The following RUNX2 variants were observed in gnomAD, a reference collection of about 807,000 sequenced individuals.
RUNX2 encodes the protein RUNX family transcription factor 2.
In RUNX2, 10 loss-of-function variants were observed where a neutral mutation model predicts 51.7. That is an observed-to-expected ratio of 0.19 (90% CI 0.12 to 0.33). RUNX2 has a LOEUF of 0.33. Among genes scored for constraint, RUNX2 ranks in the 10% least tolerant of loss-of-function variants. The pLI is 1.00. For missense variants in RUNX2, 562 were observed against 691.3 expected (o/e 0.81, Z 2.10); for synonymous variants, 276 against 273.6 (o/e 1.01, Z -0.09).
chr6:45,399,763 G>A (rs1391287664), intron 2 of RUNX2, among the ~76,000 whole-genome samples: 1 of 147,454 alleles, frequency 6.8e-6, no homozygotes, highest in Non-Finnish European at 1.5e-5. Context: ...GAGAGGAAAG[G>A]AAGGAAGGAG....
intron 2 of RUNX2, among the ~76,000 whole-genome samples, chr6:45,345,064 G>A (rs1453658413): frequency 6.6e-6 from 1 of 152,148 alleles, no homozygotes; most frequent in Non-Finnish European, 1.5e-5. Flanking sequence ...CTCATGGGAT[G>A]AAACAGAGGA....
At chr6:45,509,257 T>C (rs1801071209) in intron 6 of RUNX2, among the ~76,000 whole-genome samples, 1 of 152,256 alleles carries the variant, frequency 6.6e-6, no homozygotes, top group Admixed American at 6.5e-5. Context: ...TTTATAGTTA[T>C]CAAAATGCTT....
rs1480082466 is a variant in RUNX2, at chr6:45,431,977, G to A, written c.538G>A (p.Ala180Thr). 2 of 1,614,126 alleles carry A rather than the reference G, an allele frequency of 1.2e-6. No individual in the cohort carries two copies. Among genetic ancestry groups the A allele is most frequent in the Non-Finnish European group, 1.7e-6 (2 of 1,180,008 alleles). Residue 180 changes from alanine (A) to threonine (T), a missense_variant, in exon 4 of 9, where the codon GCA (alanine) becomes ACA (threonine). Ala to Thr is a moderately conservative substitution (Grantham distance 58). Coordinates refer to ENST00000647337, the MANE Select transcript of RUNX2 (RefSeq NM_001024630.4). The stretch of plus-strand genomic sequence containing the variant: ...CTCTGCTGTTATGAAAAACCAAGTA[G>A]CAAGGTTCAACGATCTGAGATTTGT... Reference protein sequence around the residue: ...NASAVMKNQVARFNDLRFVGR... With the variant: ...NASAVMKNQVTRFNDLRFVGR...
intron 7 of RUNX2, among the ~76,000 whole-genome samples, chr6:45,514,047 C>CCCAA (rs1801245930): frequency 2.0e-5 from 3 of 152,110 alleles, no homozygotes; most frequent in African/African-American, 7.2e-5. Flanking sequence ...TGTTTGGGGT[C>CCCAA]CCCTGGGGCT....
At chr6:45,389,411 T>G (rs2150346198) in intron 2 of RUNX2, among the ~76,000 whole-genome samples, 1 of 152,332 alleles carries the variant, frequency 6.6e-6, no homozygotes, top group South Asian at 2.1e-4. Flanking sequence ...AAGACTCATT[T>G]TTCAGCTAAA....
At chr6:45,542,738 T>C (rs937888203) in intron 7 of RUNX2, among the ~76,000 whole-genome samples, 1 of 152,230 alleles carries the variant, frequency 6.6e-6, no homozygotes, top group African/African-American at 2.4e-5. Flanking sequence ...ACTTCTAAGA[T>C]AGCAGGTGTG....
At chr6:45,453,907 C>T (rs1012664534) in intron 5 of RUNX2, among the ~76,000 whole-genome samples, 2 of 152,196 alleles carry the variant, frequency 1.3e-5, no homozygotes, top group African/African-American at 2.4e-5. Context: ...TGGTCCAAAA[C>T]GCAGGATGAA....
chr6:45,481,845 T>A (rs1800125688), intron 5 of RUNX2, among the ~76,000 whole-genome samples: 1 of 152,232 alleles, frequency 6.6e-6, no homozygotes. Flanking sequence ...GTCTCAGTAT[T>A]TTTCTGGGCA....
At position 45,404,111 on chromosome 6, in the gene RUNX2, T is replaced by C. The variant is rs148525760; in HGVS notation, c.59-18482T>C. Among the ~76,000 whole-genome samples the C allele has an allele frequency of 4.5e-3, 680 of 151,382 alleles. 5 individuals carry two copies. The highest frequency in any genetic ancestry group is 0.016 in the African/African-American group (641 of 41,278). ...CGTACCTCTACTAAAAATACAAAAA[T>C]TAGCCGGGTGCGGTGGCGTGTGCCT... On this transcript the variant is annotated intron_variant, in intron 2 of 8. Coordinates refer to ENST00000647337, the MANE Select transcript of RUNX2 (RefSeq NM_001024630.4).
intron 2 of RUNX2, among the ~76,000 whole-genome samples, chr6:45,414,611 T>C (rs1798023552): frequency 6.6e-6 from 1 of 152,146 alleles, no homozygotes; most frequent in Non-Finnish European, 1.5e-5. Flanking sequence ...TATTTTATCA[T>C]AGAGTCACAG....
chr6:45,413,496 TC>T (rs2150357726), intron 2 of RUNX2, among the ~76,000 whole-genome samples: 1 of 148,256 alleles, frequency 6.7e-6, no homozygotes, highest in Admixed American at 6.9e-5. Flanking sequence ...AGTGGAGTGA[TC>T]TTGGCTCACT....
rs1450587414 is a variant in RUNX2 at position 45,512,412 on chromosome 6, A to G, written c.1021+5A>G. ...ATGTGCCTAGGCGCATTTCAGGTAA[A>G]GACCGTGCTTTAACTAAAAATCCAT... On this transcript the variant is annotated splice_donor_5th_base_variant and intron_variant, in intron 7 of 8. Transcript: ENST00000647337. The G allele has an allele frequency of 6.2e-7, 1 of 1,613,678 alleles. No individual in the cohort carries two copies. Among genetic ancestry groups the G allele is most frequent in the Non-Finnish European group, 8.5e-7 (1 of 1,179,896 alleles).
At chr6:45,390,590 A>G (rs1797450077) in intron 2 of RUNX2, among the ~76,000 whole-genome samples, 1 of 152,236 alleles carries the variant, frequency 6.6e-6, no homozygotes, top group East Asian at 1.9e-4. Context: ...GTGAGGGTAT[A>G]AATGTGAACA....
At chr6:45,538,937 A>G (rs1169292177) in intron 7 of RUNX2, among the ~76,000 whole-genome samples, 2 of 151,978 alleles carry the variant, frequency 1.3e-5, no homozygotes, top group Non-Finnish European at 2.9e-5. Context: ...CCTGCAGTGG[A>G]TCTGGTTTCA....
At chr6:45,405,510 T>G (rs1797814465) in intron 2 of RUNX2, among the ~76,000 whole-genome samples, 1 of 152,166 alleles carries the variant, frequency 6.6e-6, no homozygotes, top group South Asian at 2.1e-4. Flanking sequence ...TATGGTAGGC[T>G]GGGCGCAGTG....
At chr6:45,520,589 G>T (rs541337985) in intron 7 of RUNX2, among the ~76,000 whole-genome samples, 2 of 152,116 alleles carry the variant, frequency 1.3e-5, no homozygotes, top group South Asian at 4.1e-4. Flanking sequence ...CTTTGCACTG[G>T]GGGGCAGGGC....
At chr6:45,365,218 T>C in intron 2 of RUNX2, 1 of 1,609,858 alleles carries the variant, frequency 6.2e-7, no homozygotes, top group Non-Finnish European at 8.5e-7. Context: ...TCTGTAATTC[T>C]GTTGCAAAGC....
In RUNX2 at chr6:45,328,785, G is replaced by GT; in HGVS notation, c.58+2dup. The GT allele has an allele frequency of 6.2e-7, 1 of 1,611,862 alleles. No individual in the cohort carries two copies. The highest frequency in any genetic ancestry group is 8.5e-7 in the Non-Finnish European group (1 of 1,178,494). ...CCATGTCAGCAAAACTTCTTTTGGG[G>GT]TAAGTGTTACCATTTTTAAAATCCT... On this transcript the variant is annotated splice_donor_variant, in intron 2 of 8. Coordinates refer to ENST00000647337, the MANE Select transcript of RUNX2 (RefSeq NM_001024630.4). LOFTEE classifies it high-confidence loss of function.
Position 45,536,717 on chromosome 6 carries a change from T to G in RUNX2, c.1022-8500T>G, listed in dbSNP as rs964667838. Among the ~76,000 whole-genome samples the G allele has an allele frequency of 5.9e-5, 9 of 152,304 alleles. No individual in the cohort carries two copies. The East Asian group carries it at 1.7e-3, about 29-fold the overall frequency. On this transcript the variant is annotated intron_variant, in intron 7 of 8. Transcript: ENST00000647337. Reference sequence around the variant, plus strand: ...TTACAGGTGTAGTCTTAGATTGGGTTGGTTTTAGATTTAAAGGAGCAGCTT... The same window carrying G: ...TTACAGGTGTAGTCTTAGATTGGGTGGGTTTTAGATTTAAAGGAGCAGCTT...
Sources: gnomAD v4.1 joint callset for allele counts (sites outside exome capture counted in the v4.1 genomes callset) on GRCh38, gnomAD v4.1.1 for gene constraint, MANE v1.5 for transcripts, NCBI Gene and HGNC (gene_info 2026-07-23, HGNC 2026-07-21) for gene names.